The following NCOA2 variants were observed in gnomAD, a reference collection of about 807,000 sequenced individuals.
The protein encoded by NCOA2 is nuclear receptor coactivator 2.
A neutral mutation model predicts 145.1 loss-of-function variants in NCOA2; 21 were observed. That is an observed-to-expected ratio of 0.14 (90% CI 0.10 to 0.21). The LOEUF (loss-of-function observed/expected upper bound fraction) is 0.21, where lower values mean the gene tolerates loss of function less well. Ranked by LOEUF, NCOA2 falls within the 10% of genes least tolerant of loss-of-function variation. The pLI, the probability that NCOA2 is intolerant of heterozygous loss-of-function variation, is 1.00. For missense variants in NCOA2, 1,472 were observed against 1,837.6 expected (o/e 0.80, Z 3.64); for synonymous variants, 619 against 637.5 (o/e 0.97, Z 0.44).
chr8:70,227,802 G>C (rs1304439477), intron 2 of NCOA2, among the ~76,000 whole-genome samples: 1 of 152,078 alleles, frequency 6.6e-6, no homozygotes, highest in Non-Finnish European at 1.5e-5. Flanking sequence ...ATCACCGGAG[G>C]TCAGGAGTTT....
At chr8:70,179,497 T>G (rs1327696119) in intron 4 of NCOA2, among the ~76,000 whole-genome samples, 1 of 152,194 alleles carries the variant, frequency 6.6e-6, no homozygotes, top group Non-Finnish European at 1.5e-5. Flanking sequence ...GGACATATAC[T>G]GGTATCTTGA....
chr8:70,127,466 C>T (rs1277587163), intron 18 of NCOA2, among the ~76,000 whole-genome samples: 1 of 152,086 alleles, frequency 6.6e-6, no homozygotes, highest in Non-Finnish European at 1.5e-5. Flanking sequence ...TGACGTGGTG[C>T]ACTTCACAAA....
At chr8:70,235,665 A>C (rs1028022563) in intron 2 of NCOA2, among the ~76,000 whole-genome samples, 2 of 151,918 alleles carry the variant, frequency 1.3e-5, no homozygotes, top group African/African-American at 4.8e-5. Context: ...GCAACAAGAC[A>C]AGACCTTGTC....
intron 2 of NCOA2, among the ~76,000 whole-genome samples, chr8:70,250,165 G>A (rs11989784): frequency 0.055 from 8,335 of 151,756 alleles, 298 homozygotes; most frequent in East Asian, 0.16. Flanking sequence ...GCAGAGGCAG[G>A]TGGATCACTT....
At chr8:70,428,400 C>T in the NCOA2 span, among the ~76,000 whole-genome samples, 1 of 152,142 alleles carries the variant, frequency 6.6e-6, no homozygotes, top group East Asian at 1.9e-4. Flanking sequence ...GTTGAGGCTG[C>T]AGTAAGCTAT....
chr8:70,428,790 T>C, the NCOA2 span, among the ~76,000 whole-genome samples: 1 of 152,122 alleles, frequency 6.6e-6, no homozygotes, highest in Admixed American at 6.5e-5. Flanking sequence ...GCAACTATTC[T>C]GTAGGGCAAA....
intron 4 of NCOA2, among the ~76,000 whole-genome samples, chr8:70,193,215 AGATT>A (rs1266952513): frequency 1.3e-5 from 2 of 152,174 alleles, no homozygotes; most frequent in African/African-American, 4.8e-5. Context: ...TGCACCACAT[AGATT>A]AAGAACTTCT....
At chr8:70,163,268 A>G (rs115668243) in intron 8 of NCOA2, among the ~76,000 whole-genome samples, 197 bp downstream of exon 8, 1,619 of 152,292 alleles carry the variant, frequency 0.011, 29 homozygotes, top group African/African-American at 0.036. Flanking sequence ...ACTAGGTAAC[A>G]TAAGTACATG....
chr8:70,294,882 T>C (rs1007607564), intron 2 of NCOA2, among the ~76,000 whole-genome samples: 3 of 152,212 alleles, frequency 2.0e-5, no homozygotes, highest in Non-Finnish European at 2.9e-5. Flanking sequence ...TAAGTAATAG[T>C]TGTTATTAGT....
At chr8:70,299,928 A>G (rs528236014) in intron 1 of NCOA2, among the ~76,000 whole-genome samples, 3 of 152,374 alleles carry the variant, frequency 2.0e-5, no homozygotes, top group Non-Finnish European at 4.4e-5. Flanking sequence ...ACATCCATAC[A>G]GTGGAATACC....
the NCOA2 span, among the ~76,000 whole-genome samples, chr8:70,439,652 T>G: frequency 7.1e-6 from 1 of 140,596 alleles, no homozygotes; most frequent in Admixed American, 6.7e-5. Flanking sequence ...TGTAAGAAAA[T>G]AGCAGAGGCA....
At chr8:70,413,480 C>T in the NCOA2 span, among the ~76,000 whole-genome samples, 5 of 152,138 alleles carry the variant, frequency 3.3e-5, no homozygotes, top group African/African-American at 1.2e-4. Context: ...TTATAAAACC[C>T]TAGATCCAGA....
chr8:70,331,863 T>C (rs1807136900), intron 1 of NCOA2, among the ~76,000 whole-genome samples: 1 of 152,170 alleles, frequency 6.6e-6, no homozygotes, highest in Non-Finnish European at 1.5e-5. Context: ...GTTTTTCACA[T>C]ACATAGACAA....
At chr8:70,441,642 T>TGA in the NCOA2 span, among the ~76,000 whole-genome samples, 4 of 132,740 alleles carry the variant, frequency 3.0e-5, no homozygotes, top group African/African-American at 5.8e-5. Flanking sequence ...TTCAGGCCCC[T>TGA]GAGAATCTGC....
At chr8:70,171,118 G>A (rs1478900055) in intron 5 of NCOA2, among the ~76,000 whole-genome samples, 3 of 152,176 alleles carry the variant, frequency 2.0e-5, no homozygotes, top group Admixed American at 6.5e-5. Context: ...ACAGTAGCAC[G>A]CTTCCGGTAA....
At chr8:70,173,638 G>T (rs1438210818) in intron 5 of NCOA2, among the ~76,000 whole-genome samples, 1 of 152,164 alleles carries the variant, frequency 6.6e-6, no homozygotes, top group Non-Finnish European at 1.5e-5. Flanking sequence ...GATTCTAGAG[G>T]AGATAAGCAA....
chr8:70,265,657 T>C (rs1266566548), intron 2 of NCOA2, among the ~76,000 whole-genome samples: 1 of 152,218 alleles, frequency 6.6e-6, no homozygotes, highest in African/African-American at 2.4e-5. Context: ...ACAAATCTTT[T>C]TGATGTCAGA....
Position 70,166,703 on chromosome 8 carries a change from A to C in NCOA2, c.593T>G (p.Phe198Cys). The C allele has an allele frequency of 6.2e-7, 1 of 1,614,014 alleles. No homozygotes were observed. The highest frequency in any genetic ancestry group is 8.5e-7 in the Non-Finnish European group (1 of 1,179,874). ...AGGTTTTACCAGCATCCGACAATTG[A>C]AGGTATGGCTGTTCCGCCTCGGAGG... ...GEPPRRNSHT[F>C]NCRMLVKPLP... The change falls in exon 7 of 23, where the codon TTC becomes TGC. Residue 198 changes from phenylalanine to cysteine, a missense_variant. This residue lies in a region of NCOA2 where 284 missense variants were observed against 467.8 expected (regional missense o/e 0.61). Transcript: ENST00000452400.
chr8:70,451,255 T>TATATATATATATATATATATATGTATAA, the NCOA2 span, among the ~76,000 whole-genome samples: 1 of 123,074 alleles, frequency 8.1e-6, no homozygotes, highest in African/African-American at 3.2e-5. Flanking sequence ...TATATATATA[T>TATATATATATATATATATATATGTATAA]AAATTAGCCA....
Sources: gnomAD v4.1 joint callset for allele counts (sites outside exome capture counted in the v4.1 genomes callset) on GRCh38, gnomAD v4.1.1 for gene constraint, gnomAD v4.1.1 regional missense constraint, MANE v1.5 for transcripts, NCBI Gene and HGNC (gene_info 2026-07-23, HGNC 2026-07-21) for gene names.